The following SRGAP3 variants were observed in gnomAD, a reference collection of about 807,000 sequenced individuals.
SRGAP3 encodes SLIT-ROBO Rho GTPase-activating protein 3.
Under a neutral mutation model 121.1 loss-of-function variants are expected in SRGAP3, and 39 were observed. The ratio of observed to expected loss-of-function variants is 0.32; its 90% CI spans 0.25 to 0.42. The LOEUF is 0.42. Ranked by LOEUF, SRGAP3 falls within the 10% of genes least tolerant of loss-of-function variation. The pLI is 1.00. For synonymous variants in SRGAP3, 601 were observed against 570.0 expected (o/e 1.05, Z -0.77); for missense variants, 1,213 against 1,470.6 (o/e 0.82, Z 2.86).
chr3:9,024,791 CTA>C (rs1212123592), intron 14 of SRGAP3, among the ~76,000 whole-genome samples: 1 of 152,198 alleles, frequency 6.6e-6, no homozygotes, highest in Non-Finnish European at 1.5e-5. Context: ...TCAGTATTTT[CTA>C]TGTTCTTCCA....
chr3:9,071,131 T>C (rs1306635834), intron 4 of SRGAP3, among the ~76,000 whole-genome samples: 1 of 151,924 alleles, frequency 6.6e-6, no homozygotes, highest in Non-Finnish European at 1.5e-5. Flanking sequence ...TGGAAGAACA[T>C]CAGGTATGTC....
chr3:9,056,199 G>A, intron 8 of SRGAP3, 34 bp downstream of exon 8: 2 of 1,610,150 alleles, frequency 1.2e-6, no homozygotes, highest in South Asian at 2.2e-5. Flanking sequence ...GCCTTCCAAA[G>A]AAAATCCCTT....
chr3:9,052,921 T>C (rs1945652331), intron 9 of SRGAP3, 106 bp downstream of exon 9: 3 of 1,344,428 alleles, frequency 2.2e-6, no homozygotes, highest in African/African-American at 2.9e-5. Context: ...TTAGATCCAA[T>C]TGACCCATGT....
chr3:9,082,059 T>A (rs971346994), intron 3 of SRGAP3, among the ~76,000 whole-genome samples: 1 of 152,158 alleles, frequency 6.6e-6, no homozygotes, highest in African/African-American at 2.4e-5. Context: ...TGGCAGGAGA[T>A]GTTTGCATCA....
At chr3:9,095,482 T>C (rs188798217) in intron 3 of SRGAP3, among the ~76,000 whole-genome samples, 1 of 152,166 alleles carries the variant, frequency 6.6e-6, no homozygotes, top group Non-Finnish European at 1.5e-5. Flanking sequence ...GGCCTTATAT[T>C]TTTCCATATG....
At chr3:9,155,355 T>G (rs567928750) in intron 1 of SRGAP3, among the ~76,000 whole-genome samples, 1 of 152,212 alleles carries the variant, frequency 6.6e-6, no homozygotes, top group African/African-American at 2.4e-5. Context: ...CATTTTGAAG[T>G]TGCACTACAA....
chr3:9,168,127 T>G (rs532869268), intron 1 of SRGAP3, among the ~76,000 whole-genome samples: 1 of 152,300 alleles, frequency 6.6e-6, no homozygotes, highest in Admixed American at 6.5e-5. Context: ...AACTAGCAAG[T>G]GGCAGCATGT....
intron 1 of SRGAP3, among the ~76,000 whole-genome samples, chr3:9,356,183 CTTTT>C (rs916919134): frequency 5.1e-5 from 7 of 136,736 alleles, no homozygotes; most frequent in Non-Finnish European, 1.1e-4. Context: ...GTTTATGGGA[CTTTT>C]TTTTCTTTTT....
chr3:9,138,009 G>A (rs1175927662), intron 1 of SRGAP3, among the ~76,000 whole-genome samples: 1 of 152,208 alleles, frequency 6.6e-6, no homozygotes, highest in East Asian at 1.9e-4. Flanking sequence ...TAAATGAGAA[G>A]AGATCAGGAT....
intron 3 of SRGAP3, among the ~76,000 whole-genome samples, chr3:9,085,615 T>C (rs184773845): frequency 6.6e-6 from 1 of 152,326 alleles, no homozygotes; most frequent in Admixed American, 6.5e-5. Flanking sequence ...ATATATACCA[T>C]GGAATACTAT....
chr3:9,083,711 G>T (rs893681117), intron 3 of SRGAP3, among the ~76,000 whole-genome samples: 4 of 152,132 alleles, frequency 2.6e-5, no homozygotes, highest in Non-Finnish European at 5.9e-5. Context: ...CTGTGCATAT[G>T]GGCAGGGACC....
intron 3 of SRGAP3, among the ~76,000 whole-genome samples, chr3:9,273,695 T>C (rs1013798369): frequency 4.6e-5 from 7 of 152,196 alleles, no homozygotes; most frequent in Non-Finnish European, 1.0e-4. Flanking sequence ...CCCCTACTTT[T>C]CTCTAAGAGC....
intron 1 of SRGAP3, among the ~76,000 whole-genome samples, chr3:9,136,806 C>G (rs576301147): frequency 1.6e-4 from 24 of 152,312 alleles, no homozygotes; most frequent in Non-Finnish European, 3.1e-4. Flanking sequence ...TCCCTGATCC[C>G]CACGGTTCCT....
intron 1 of SRGAP3, among the ~76,000 whole-genome samples, chr3:9,333,061 G>C (rs1185992682): frequency 6.6e-6 from 1 of 152,108 alleles, no homozygotes; most frequent in African/African-American, 2.4e-5. Flanking sequence ...GAATGACTTA[G>C]CATATTTTAG....
At chr3:9,088,720 A>T (rs547149625) in intron 3 of SRGAP3, among the ~76,000 whole-genome samples, 2 of 152,208 alleles carry the variant, frequency 1.3e-5, no homozygotes, top group Non-Finnish European at 2.9e-5. Flanking sequence ...TTGTTTGGCC[A>T]TTCAGTGCTT....
intron 3 of SRGAP3, among the ~76,000 whole-genome samples, chr3:9,273,790 AT>A (rs36045665): frequency 0.03 from 4,183 of 138,476 alleles, 57 homozygotes; most frequent in Middle Eastern, 0.049. Flanking sequence ...GTTCAACTTC[AT>A]TTTTTTTTTT....
intron 3 of SRGAP3, among the ~76,000 whole-genome samples, chr3:9,090,342 T>C (rs1172144273): frequency 1.3e-5 from 2 of 151,764 alleles, no homozygotes; most frequent in East Asian, 3.9e-4. Context: ...CTCAGCATTG[T>C]GCAGAGCAGT....
intron 17 of SRGAP3, among the ~76,000 whole-genome samples, chr3:9,012,293 C>T (rs182639411): frequency 6.6e-6 from 1 of 152,308 alleles, no homozygotes; most frequent in East Asian, 1.9e-4. Flanking sequence ...CCTGTAGGCA[C>T]CTGGCTGAAG....
chr3:9,350,954 G>A (rs2030104618), intron 1 of SRGAP3, among the ~76,000 whole-genome samples: 2 of 152,092 alleles, frequency 1.3e-5, no homozygotes, highest in African/African-American at 4.8e-5. Flanking sequence ...GTGAGTTCTG[G>A]GCTCACCTAG....
Sources: gnomAD v4.1 joint callset for allele counts (sites outside exome capture counted in the v4.1 genomes callset) on GRCh38, gnomAD v4.1.1 for gene constraint, MANE v1.5 for transcripts, NCBI Gene and HGNC (gene_info 2026-07-23, HGNC 2026-07-21) for gene names.